The following PLXNA4 variants were observed in gnomAD, a reference collection of about 807,000 sequenced individuals.
The protein encoded by PLXNA4 is plexin-A4.
A neutral mutation model predicts 191.8 loss-of-function variants in PLXNA4; 44 were observed. The ratio of observed to expected loss-of-function variants is 0.23; its 90% CI spans 0.18 to 0.29. The LOEUF (loss-of-function observed/expected upper bound fraction) is 0.29, where lower values mean the gene tolerates loss of function less well. Among genes scored for constraint, PLXNA4 ranks in the 10% least tolerant of loss-of-function variants. The pLI is 1.00. For missense variants in PLXNA4, 1,800 were observed against 2,488.8 expected, an observed-to-expected ratio of 0.72 and a Z score of 5.89; for synonymous variants, 1,082 against 1,009.5, an observed-to-expected ratio of 1.07 and a Z score of -1.36.
intron 9 of PLXNA4, among the ~76,000 whole-genome samples, chr7:132,222,466 C>A (rs1218143929): frequency 6.6e-6 from 1 of 152,066 alleles, no homozygotes; most frequent in Non-Finnish European, 1.5e-5. Flanking sequence ...CAATGCCCCT[C>A]CTGCCCCCCT....
At chr7:132,456,570 T>C (rs907242527) in intron 3 of PLXNA4, among the ~76,000 whole-genome samples, 1 of 152,194 alleles carries the variant, frequency 6.6e-6, no homozygotes, top group African/African-American at 2.4e-5. Context: ...ACAAATTTTA[T>C]TATGGAGCTC....
At chr7:132,456,606 C>G (rs775652992) in intron 3 of PLXNA4, among the ~76,000 whole-genome samples, 4 of 151,726 alleles carry the variant, frequency 2.6e-5, no homozygotes, top group African/African-American at 9.7e-5. Context: ...AAGTGTGTGA[C>G]GAGAAGATAA....
chr7:132,487,326 T>C (rs900598001), intron 3 of PLXNA4, among the ~76,000 whole-genome samples: 2 of 152,172 alleles, frequency 1.3e-5, no homozygotes, highest in Admixed American at 6.5e-5. Context: ...GCACTGAGAT[T>C]GAGCTCACCG....
chr7:132,536,715 G>A (rs1217216094), intron 1 of PLXNA4, among the ~76,000 whole-genome samples: 5 of 152,312 alleles, frequency 3.3e-5, no homozygotes, highest in Admixed American at 6.5e-5. Context: ...AGCCAGCCAC[G>A]GAGCTATGCC....
intron 10 of PLXNA4, among the ~76,000 whole-genome samples, chr7:132,204,060 T>C (rs1797532303): frequency 6.6e-6 from 1 of 152,136 alleles, no homozygotes. Context: ...CCTGAGGACC[T>C]TGGAGGACAA....
rs182386726 is a variant in PLXNA4, at chr7:132,530,444, G to A, written c.-86-21665C>T. 2.0e-5 allele frequency among the ~76,000 whole-genome samples: 3 copies of A among 152,268 alleles called. No homozygotes were observed. In the East Asian group the frequency reaches 5.8e-4, roughly 29 times the overall value. Reference sequence around the variant, plus strand: ...TAAACCAGTTTGAAAATGAGCAAATGACTTAAAGAGATGTTTCTCCAAAGA... The same window carrying A: ...TAAACCAGTTTGAAAATGAGCAAATAACTTAAAGAGATGTTTCTCCAAAGA... On this transcript the variant is annotated intron_variant, in intron 1 of 31. Coordinates refer to ENST00000321063, the MANE Select transcript of PLXNA4 (RefSeq NM_020911.2).
At position 132,129,465 on chromosome 7, in the gene PLXNA4, C is replaced by G. The variant is rs982889665; in HGVS notation, c.*1014G>C. On this transcript the variant is annotated 3_prime_UTR_variant, in exon 32 of 32. Coordinates refer to ENST00000321063, the MANE Select transcript of PLXNA4 (RefSeq NM_020911.2). ...ATGGAGATGGCTGGAGGTAGAATCT[C>G]CTAGATGCACTCTGCATTTCACGTT... The G allele has an allele frequency of 6.6e-6, 1 of 152,164 alleles. No individual in the cohort carries two copies. The highest frequency in any genetic ancestry group is 6.5e-5 in the Admixed American group (1 of 15,274). The allele number at this position is 152,164 out of a possible 1,614,324, so 9.4% of individuals were successfully genotyped here.
intron 3 of PLXNA4, among the ~76,000 whole-genome samples, chr7:132,439,024 C>T (rs950345237): frequency 1.2e-4 from 18 of 152,210 alleles, no homozygotes; most frequent in African/African-American, 1.7e-4. Context: ...CCGTGTATAA[C>T]GTGCTTTACA....
chr7:132,311,454 A>T (rs898806719), intron 3 of PLXNA4, among the ~76,000 whole-genome samples: 9 of 152,096 alleles, frequency 5.9e-5, no homozygotes, highest in Non-Finnish European at 8.8e-5. Flanking sequence ...CATGTTATTC[A>T]TCTTACCCAA....
At chr7:132,595,598 G>A (rs902716474) in intron 2 of PLXNA4, among the ~76,000 whole-genome samples, 1 of 152,130 alleles carries the variant, frequency 6.6e-6, no homozygotes, top group Admixed American at 6.5e-5. Context: ...ACAACACCCA[G>A]GCACTAAGTC....
intron 1 of PLXNA4, among the ~76,000 whole-genome samples, chr7:132,569,915 T>C (rs1801896645): frequency 6.6e-6 from 1 of 152,216 alleles, no homozygotes; most frequent in African/African-American, 2.4e-5. Flanking sequence ...GTTTACGTAA[T>C]GCAAAGGTTC....
intron 3 of PLXNA4, among the ~76,000 whole-genome samples, chr7:132,415,116 G>C (rs188319146): frequency 9.8e-5 from 15 of 152,286 alleles, no homozygotes; most frequent in Non-Finnish European, 1.9e-4. Context: ...TTGCTATTTA[G>C]ACATCTGATT....
intron 1 of PLXNA4, among the ~76,000 whole-genome samples, chr7:132,514,887 T>A (rs566314712): frequency 2.0e-5 from 3 of 152,240 alleles, no homozygotes; most frequent in East Asian, 1.9e-4. Flanking sequence ...GTCAAAAAAA[T>A]TTGAAACACA....
At chr7:132,454,264 C>T (rs1327003396) in intron 3 of PLXNA4, among the ~76,000 whole-genome samples, 1 of 152,248 alleles carries the variant, frequency 6.6e-6, no homozygotes, top group African/African-American at 2.4e-5. Flanking sequence ...GAAGCCATTT[C>T]ATCAAGGCCA....
intron 3 of PLXNA4, among the ~76,000 whole-genome samples, chr7:132,404,576 T>C (rs898159778): frequency 1.6e-4 from 24 of 152,154 alleles, no homozygotes; most frequent in African/African-American, 1.2e-4. Flanking sequence ...CCAGGTGACA[T>C]GGAGGCCACA....
intron 1 of PLXNA4, among the ~76,000 whole-genome samples, chr7:132,551,779 T>A (rs1056571653): frequency 1.3e-5 from 2 of 152,228 alleles, no homozygotes; most frequent in South Asian, 4.1e-4. Context: ...TGTGTCCTTT[T>A]AACATCCAAA....
At chr7:132,459,164 T>C (rs1200866954) in intron 3 of PLXNA4, among the ~76,000 whole-genome samples, 1 of 152,194 alleles carries the variant, frequency 6.6e-6, no homozygotes, top group East Asian at 1.9e-4. Flanking sequence ...TTTGGACCCT[T>C]TGGGCTGCTG....
chr7:132,635,975 C>T (rs1363950258), intron 2 of PLXNA4, among the ~76,000 whole-genome samples: 1 of 152,092 alleles, frequency 6.6e-6, no homozygotes, highest in Non-Finnish European at 1.5e-5. Context: ...ATGGAGGAGG[C>T]GGTTCCAGGG....
At chr7:132,347,270 G>A (rs1473068874) in intron 3 of PLXNA4, among the ~76,000 whole-genome samples, 1 of 152,166 alleles carries the variant, frequency 6.6e-6, no homozygotes, top group Non-Finnish European at 1.5e-5. Context: ...CAGAAAGGTT[G>A]CTGGGAAGAG....
Sources: allele counts gnomAD v4.1 joint callset (sites outside exome capture counted in the v4.1 genomes callset), GRCh38; gene constraint gnomAD v4.1.1; transcripts MANE v1.5; gene names NCBI Gene and HGNC (gene_info 2026-07-23, HGNC 2026-07-21).